The following MYB variants were observed in gnomAD, a reference collection of about 807,000 sequenced individuals.
MYB encodes transcriptional activator Myb.
In MYB, 28 loss-of-function variants were observed where a neutral mutation model predicts 92.9. The ratio of observed to expected loss-of-function variants is 0.30; its 90% CI spans 0.22 to 0.41. MYB has a LOEUF of 0.41. MYB is among the 10% of genes least tolerant of loss of function. The pLI, the probability that MYB is intolerant of heterozygous loss-of-function variation, is 1.00. For missense variants in MYB, 679 were observed against 929.3 expected (o/e 0.73, Z 3.50); for synonymous variants, 295 against 329.1 (o/e 0.90, Z 1.12).
intron 15 of MYB, among the ~76,000 whole-genome samples, chr6:135,210,025 T>C (rs1779496057): frequency 6.6e-6 from 1 of 152,218 alleles, no homozygotes. Context: ...CTTCAGTAGT[T>C]ACCCGAGAGA....
intron 8 of MYB, 145 bp from the exon 9 acceptor site, chr6:135,195,603 T>C: frequency 1.2e-6 from 1 of 845,216 alleles, no homozygotes; most frequent in South Asian, 1.7e-5. Context: ...TCTTGACAAC[T>C]GTTTCATAGG....
Position 135,217,921 on chromosome 6 carries a change from T to C in MYB, c.2227T>C (p.Ser743Pro), listed in dbSNP as rs758101576. ...SCGKMEEQMT[S>P]SSQARKYVNA... is the part of the protein sequence containing the mutation. ...TGGAAAGATGGAGGAGCAGATGACA[T>C]CTTCCAGTCAAGCTCGTAAATACGT... Residue 743 changes from serine to proline, a missense_variant, in exon 16 of 16, where the codon TCT becomes CCT. Physicochemically the swap from Ser to Pro is moderately conservative, Grantham distance 74. Coordinates refer to ENST00000341911, the MANE Select transcript of MYB (RefSeq NM_001130173.2). 6.2e-6 allele frequency: 10 copies of C among 1,613,652 alleles called. No homozygotes were observed. In the South Asian group the frequency reaches 1.1e-4, roughly 18 times the overall value.
chr6:135,185,260 G>GT (rs1775762155), intron 1 of MYB, among the ~76,000 whole-genome samples: 1 of 152,214 alleles, frequency 6.6e-6, no homozygotes, highest in South Asian at 2.1e-4. Context: ...TGAGCAATTT[G>GT]GTATTAATTT....
At chr6:135,185,810 A>C (rs1419139652) in intron 1 of MYB, 93 bp from the exon 2 acceptor site, 1 of 995,774 alleles carries the variant, frequency 1.0e-6, no homozygotes, top group Non-Finnish European at 1.6e-6. Flanking sequence ...ACCTTTGAAA[A>C]GATTGTTGAG....
At chr6:135,205,137 C>T (rs533894664) in intron 15 of MYB, among the ~76,000 whole-genome samples, 2 of 151,964 alleles carry the variant, frequency 1.3e-5, no homozygotes, top group South Asian at 4.2e-4. Context: ...TAAGAGGAAC[C>T]CAGAAAGGGA....
chr6:135,196,779 G>A (rs773525916), intron 9 of MYB, 182 bp from the exon 10 acceptor site: 2 of 1,541,986 alleles, frequency 1.3e-6, no homozygotes, highest in South Asian at 2.3e-5. Context: ...CCTTGAGGCA[G>A]CCCACTAGAC....
rs545704827 is a variant in MYB, at chr6:135,212,224, CTTTTTTTTTTTTTTTTT to C, written c.2170-5623_2170-5607del. On this transcript the variant is annotated intron_variant, in intron 15 of 15. Coordinates refer to ENST00000341911, the MANE Select transcript of MYB (RefSeq NM_001130173.2). ...CATCTGATGAGTTGCTTTGGTTTTA[CTTTTTTTTTTTTTTTTT>C]TTTTTTTTTTTTTTTTAGTTTATAC... Among the ~76,000 whole-genome samples, 38 of 32,890 alleles carry C rather than the reference CTTTTTTTTTTTTTTTTT, an allele frequency of 1.2e-3. 1 individual carries two copies. The East Asian group carries it at 0.02, about 17-fold the overall frequency. The allele number at this position is 32,890 out of a possible 152,430, so 21.6% of individuals were successfully genotyped here. A position where few individuals can be genotyped will look rare whatever the true frequency, so the allele number is the denominator to read the frequency against.
chr6:135,212,224 CTTTTTTTTTTTTT>C lies in MYB; in HGVS notation c.2170-5619_2170-5607del, dbSNP rs545704827. 2.1e-3 allele frequency among the ~76,000 whole-genome samples: 68 copies of C among 32,892 alleles called. 1 individual carries two copies. The highest frequency in any genetic ancestry group is 3.3e-3 in the Non-Finnish European group (62 of 18,720). The allele number at this position is 32,892 out of a possible 152,430, so 21.6% of individuals were successfully genotyped here. A position where few individuals can be genotyped will look rare whatever the true frequency, so the allele number is the denominator to read the frequency against. ...CATCTGATGAGTTGCTTTGGTTTTA[CTTTTTTTTTTTTT>C]TTTTTTTTTTTTTTTTTTTTAGTTT... On this transcript the variant is annotated intron_variant, in intron 15 of 15. Coordinates refer to ENST00000341911, the MANE Select transcript of MYB (RefSeq NM_001130173.2).
At chr6:135,183,008 T>TG (rs1343065473) in intron 1 of MYB, among the ~76,000 whole-genome samples, 1 of 52,096 alleles carries the variant, frequency 1.9e-5, no homozygotes, top group Non-Finnish European at 3.5e-5. Context: ...GGTCATCTGT[T>TG]TTTTTTTTTT....
At position 135,190,482 on chromosome 6, in the gene MYB, C is replaced by G; in HGVS notation, c.527+135C>G. ...TTTATTAGATAAACCAGCTACATAG[C>G]TTTTAGAGATTGAAGACATCTTAGA... On this transcript the variant is annotated intron_variant, in intron 5 of 15. Transcript: ENST00000341911. This position sits in a 1 kb window ranked among gnomAD's most constrained non-coding sequence, Gnocchi z 4.5. 1 of 719,034 alleles carries G rather than the reference C, an allele frequency of 1.4e-6. No homozygotes were observed. Among genetic ancestry groups the G allele is most frequent in the Non-Finnish European group, 2.3e-6 (1 of 435,558 alleles). The allele number at this position is 719,034 out of a possible 1,614,324, so 44.5% of individuals were successfully genotyped here.
At position 135,198,909 on chromosome 6, in the gene MYB, T is replaced by C; in HGVS notation, c.1568T>C (p.Phe523Ser). 6.2e-7 allele frequency: 1 copy of C among 1,602,502 alleles called. No individual in the cohort carries two copies. The highest frequency in any genetic ancestry group is 1.1e-5 in the South Asian group (1 of 89,950). ...TTTTTTCTTTCTCTCCATATTTAGT[T>C]CTTAAACACTTCCAGTAACCATGAA... ...VKSLPFSPSQ[F>S]LNTSSNHENS... Residue 523 changes from phenylalanine (F) to serine (S), a missense_variant and splice_region_variant, in exon 11 of 16, where the codon TTC becomes TCC. Around this residue, in one of 8 missense-constraint regions of MYB, gnomAD observed 402 missense variants for 434.2 expected, o/e 0.93. Coordinates refer to ENST00000341911, the MANE Select transcript of MYB (RefSeq NM_001130173.2).
intron 2 of MYB, among the ~76,000 whole-genome samples, chr6:135,186,291 T>C (rs184341878): frequency 6.6e-6 from 1 of 152,366 alleles, no homozygotes; most frequent in Non-Finnish European, 1.5e-5. Context: ...GTCCCACCTC[T>C]TCTTCCTACT....
chr6:135,186,697 A>G (rs1452134720), intron 2 of MYB, among the ~76,000 whole-genome samples: 1 of 152,236 alleles, frequency 6.6e-6, no homozygotes, highest in Non-Finnish European at 1.5e-5. Flanking sequence ...TTTTAAAATC[A>G]TCCGATAATG....
At chr6:135,213,480 G>A (rs1367246995) in intron 15 of MYB, among the ~76,000 whole-genome samples, 1 of 152,112 alleles carries the variant, frequency 6.6e-6, no homozygotes, top group Admixed American at 6.5e-5. Flanking sequence ...AACACAGTCA[G>A]ATTTCAAGTT....
intron 9 of MYB, chr6:135,196,721 T>C (rs969253124): frequency 6.7e-7 from 1 of 1,487,338 alleles, no homozygotes; most frequent in East Asian, 2.7e-5. Context: ...TTCCATTGCA[T>C]GCAGATGTAG....
Position 135,198,974 on chromosome 6 carries a change from C to G in MYB, c.1633C>G (p.Leu545Val), listed in dbSNP as rs756037127. Residue 545 changes from leucine to valine, a missense_variant, in exon 11 of 16, where the codon CTC becomes GTC. Leu to Val is a conservative substitution (Grantham distance 32, BLOSUM62 1). Transcript: ENST00000341911. ...AATGCCTTCTTTAACTTCCACCCCC[C>G]TCATTGGTCACAAATTGACTGTTAC... ...LEMPSLTSTP[L>V]IGHKLTVTTP... 2.5e-5 allele frequency: 41 copies of G among 1,611,656 alleles called. No individual in the cohort carries two copies. Among genetic ancestry groups the G allele is most frequent in the Non-Finnish European group, 3.1e-5 (37 of 1,178,016 alleles).
chr6:135,185,676 G>T (rs1438647953), intron 1 of MYB, among the ~76,000 whole-genome samples: 5 of 152,338 alleles, frequency 3.3e-5, no homozygotes, highest in African/African-American at 4.8e-5. Context: ...AGGGGAATAG[G>T]AAGGTGCCAG....
chr6:135,196,626 G>T, intron 9 of MYB: 2 of 757,760 alleles, frequency 2.6e-6, no homozygotes, highest in Non-Finnish European at 2.0e-6. Context: ...TTTCCCAGTT[G>T]ATTAAAAATC....
At chr6:135,204,086 C>T (rs1214741878) in intron 15 of MYB, 1 of 187,698 alleles carries the variant, frequency 5.3e-6, no homozygotes, top group Non-Finnish European at 1.1e-5. Context: ...ACTTCATAAC[C>T]CTAGAGGAAG....
Sources: allele counts gnomAD v4.1 joint callset (sites outside exome capture counted in the v4.1 genomes callset), GRCh38; gene constraint gnomAD v4.1.1; regional missense constraint gnomAD v4.1.1; non-coding constraint Gnocchi (gnomAD v3.1); transcripts MANE v1.5; gene names NCBI Gene and HGNC (gene_info 2026-07-23, HGNC 2026-07-21).